Variants in DENND2A observed in about 807,000 individuals in gnomAD.
DENND2A encodes DENN domain-containing protein 2A.
DENND2A carries 53 observed loss-of-function variants against 105.3 expected under a neutral mutation model. The observed-to-expected ratio is 0.50, with a 90% confidence interval of 0.40 to 0.63. The LOEUF (loss-of-function observed/expected upper bound fraction) is 0.63. DENND2A is among the 30% of genes least tolerant of loss of function. The pLI is 0.00. For missense variants in DENND2A, 1,138 were observed against 1,279.6 expected (o/e 0.89, Z 1.69); for synonymous variants, 522 against 508.4 (o/e 1.03, Z -0.36).
At chr7:140,556,323 A>G (rs1167312558) in intron 11 of DENND2A, among the ~76,000 whole-genome samples, 1 of 151,270 alleles carries the variant, frequency 6.6e-6, no homozygotes, top group African/African-American at 2.4e-5. Context: ...GCCCAATCTC[A>G]ATACTTTTAA....
intron 14 of DENND2A, among the ~76,000 whole-genome samples, chr7:140,537,661 GT>G (rs762369107): frequency 1.4e-5 from 2 of 146,448 alleles, no homozygotes; most frequent in African/African-American, 2.4e-5. Context: ...TTTTTCATTT[GT>G]TTGTTTGTTT....
intron 2 of DENND2A, among the ~76,000 whole-genome samples, chr7:140,603,772 T>C (rs1315539566): frequency 1.3e-5 from 2 of 152,208 alleles, no homozygotes; most frequent in African/African-American, 2.4e-5. Context: ...TTAAATCCAA[T>C]GAAATTCAAG....
intron 1 of DENND2A, among the ~76,000 whole-genome samples, chr7:140,633,097 C>T (rs910615839): frequency 3.3e-5 from 5 of 150,880 alleles, no homozygotes; most frequent in South Asian, 4.2e-4. Flanking sequence ...GGCGCAATCT[C>T]GGCTCACTGC....
chr7:140,566,465 A>G (rs188211479), intron 9 of DENND2A, among the ~76,000 whole-genome samples: 60 of 152,304 alleles, frequency 3.9e-4, no homozygotes, highest in African/African-American at 1.4e-3. Context: ...AGGAAGGGAC[A>G]TACACAAAGA....
chr7:140,613,687 C>CA (rs564457639), intron 1 of DENND2A, among the ~76,000 whole-genome samples: 7 of 147,504 alleles, frequency 4.7e-5, no homozygotes, highest in African/African-American at 1.8e-4. Context: ...AAAAAACAAA[C>CA]AAAAAACTAC....
Position 140,518,473 on chromosome 7 carries a change from CA to C in DENND2A, c.*233del. On this transcript the variant is annotated 3_prime_UTR_variant, in exon 20 of 20. Coordinates refer to ENST00000496613, the MANE Select transcript of DENND2A (RefSeq NM_015689.5). ...AAAAAAAAAAACCCAACCACCAAAA[CA>C]ACCCATTTGCATGTCGGCGACACGC... The C allele has an allele frequency of 2.3e-6, 1 of 441,580 alleles. No individual in the cohort carries two copies. Among genetic ancestry groups the C allele is most frequent in the Non-Finnish European group, 4.0e-6 (1 of 249,088 alleles). The allele number at this position is 441,580 out of a possible 1,614,324, so 27.4% of individuals were successfully genotyped here.
chr7:140,522,208 G>T (rs2130452203), intron 17 of DENND2A, 108 bp from the exon 18 acceptor site: 1 of 1,390,938 alleles, frequency 7.2e-7, no homozygotes, highest in African/African-American at 1.4e-5. Flanking sequence ...TAGTTCCCTT[G>T]ATGGAAACTG....
intron 3 of DENND2A, among the ~76,000 whole-genome samples, chr7:140,590,153 G>A (rs1798953733): frequency 6.6e-6 from 1 of 152,162 alleles, no homozygotes. Context: ...ACTTTGGGAG[G>A]CCGAGGCGGG....
At chr7:140,553,704 C>G (rs74700036) in intron 12 of DENND2A, among the ~76,000 whole-genome samples, 4,081 of 152,310 alleles carry the variant, frequency 0.027, 84 homozygotes, top group Non-Finnish European at 0.042. Flanking sequence ...TGACTCTTAA[C>G]GAGCATGCTG....
chr7:140,581,451 C>G (rs1162692588), intron 5 of DENND2A, among the ~76,000 whole-genome samples: 1 of 152,180 alleles, frequency 6.6e-6, no homozygotes, highest in Admixed American at 6.6e-5. Flanking sequence ...GAATAACTAG[C>G]TGTGGCCTAA....
chr7:140,566,989 G>C, intron 9 of DENND2A, 97 bp downstream of exon 9: 1 of 1,129,252 alleles, frequency 8.9e-7, no homozygotes, highest in African/African-American at 1.6e-5. Flanking sequence ...TAGATGCTAG[G>C]TGTTCCTCAG....
intron 1 of DENND2A, among the ~76,000 whole-genome samples, chr7:140,606,360 G>A (rs930111150): frequency 6.6e-6 from 1 of 152,012 alleles, no homozygotes; most frequent in African/African-American, 2.4e-5. Context: ...ATATCTTTTA[G>A]CTAAGGTCAC....
At position 140,519,574 on chromosome 7, in the gene DENND2A, C is replaced by T. The variant is rs1795778417; in HGVS notation, c.2998+58G>A. The T allele has an allele frequency of 3.3e-6, 5 of 1,525,898 alleles. No individual in the cohort carries two copies. In the South Asian group the frequency reaches 3.4e-5, roughly 10 times the overall value. 94.5% of individuals were successfully genotyped at this position (1,525,898 alleles called of 1,614,324 possible). A position where few individuals can be genotyped will look rare whatever the true frequency, so the allele number is the denominator to read the frequency against. On this transcript the variant is annotated intron_variant, in intron 19 of 19. Coordinates refer to ENST00000496613, the MANE Select transcript of DENND2A (RefSeq NM_015689.5). ...CTCCAGTGGAGGGAACCGGCTGGGA[C>T]TCCGAGACAGACAGCTCAGAGGCAC...
intron 3 of DENND2A, among the ~76,000 whole-genome samples, chr7:140,594,461 TGGCCCGA>T (rs1386857713): frequency 6.6e-6 from 1 of 152,162 alleles, no homozygotes; most frequent in Non-Finnish European, 1.5e-5. Flanking sequence ...ACCCTCCCGC[TGGCCCGA>T]GCGTCACTTC....
At chr7:140,625,334 G>A (rs1222087522) in intron 1 of DENND2A, among the ~76,000 whole-genome samples, 5 of 150,958 alleles carry the variant, frequency 3.3e-5, no homozygotes, top group African/African-American at 7.4e-5. Flanking sequence ...CCGAGATCGC[G>A]CCACTGCATT....
At chr7:140,621,719 C>T (rs2130721491) in intron 1 of DENND2A, among the ~76,000 whole-genome samples, 1 of 152,276 alleles carries the variant, frequency 6.6e-6, no homozygotes, top group Non-Finnish European at 1.5e-5. Flanking sequence ...CTGACAGTTT[C>T]CATTCTCATA....
intron 7 of DENND2A, among the ~76,000 whole-genome samples, 157 bp from the exon 8 acceptor site, chr7:140,568,970 G>A (rs1339543656): frequency 6.6e-6 from 1 of 152,018 alleles, no homozygotes; most frequent in Non-Finnish European, 1.5e-5. Flanking sequence ...TGTCACCCAG[G>A]CTGGAGTGCA....
At chr7:140,550,230 T>C (rs1490682981) in intron 12 of DENND2A, among the ~76,000 whole-genome samples, 16 of 152,182 alleles carry the variant, frequency 1.1e-4, no homozygotes, top group Admixed American at 9.8e-4. Flanking sequence ...TTCGCTCTTG[T>C]TGCCCAGGCT....
intron 1 of DENND2A, among the ~76,000 whole-genome samples, chr7:140,609,246 C>T (rs998288667): frequency 7.2e-5 from 11 of 152,218 alleles, no homozygotes; most frequent in African/African-American, 2.4e-4. Context: ...GGCATGGTGG[C>T]TCATGCCTAT....
Sources: gnomAD v4.1 joint callset for allele counts (sites outside exome capture counted in the v4.1 genomes callset) on GRCh38, gnomAD v4.1.1 for gene constraint, MANE v1.5 for transcripts, NCBI Gene and HGNC (gene_info 2026-07-23, HGNC 2026-07-21) for gene names.